Variants in TSFM observed in about 807,000 individuals in gnomAD.
The protein encoded by TSFM is Ts translation elongation factor, mitochondrial.
In TSFM, 29 loss-of-function variants were observed where a neutral mutation model predicts 33.4. That is an observed-to-expected ratio of 0.87 (90% CI 0.65 to 1.18). The LOEUF (loss-of-function observed/expected upper bound fraction) is 1.18. TSFM is among the 50% of genes most tolerant of loss of function. The pLI, the probability that TSFM is intolerant of heterozygous loss-of-function variation, is 0.00. For synonymous variants in TSFM, 178 were observed against 163.5 expected, an observed-to-expected ratio of 1.09 and a Z score of -0.68; for missense variants, 394 against 395.6, an observed-to-expected ratio of 1.00 and a Z score of 0.04.
intron 4 of TSFM, among the ~76,000 whole-genome samples, chr12:57,789,251 A>G (rs1034096044): frequency 6.6e-6 from 1 of 152,070 alleles, no homozygotes; most frequent in African/African-American, 2.4e-5. Flanking sequence ...GGCGTGAGCC[A>G]CTGCACCCGG....
intron 4 of TSFM, among the ~76,000 whole-genome samples, chr12:57,787,563 G>A (rs572243998): frequency 6.6e-6 from 1 of 152,162 alleles, no homozygotes; most frequent in Non-Finnish European, 1.5e-5. Flanking sequence ...AATGGAGTTA[G>A]CCAGATCAAG....
chr12:57,791,757 A>C lies in TSFM; in HGVS notation c.484-1229A>C, dbSNP rs1955665340. 2.0e-5 allele frequency among the ~76,000 whole-genome samples: 3 copies of C among 152,352 alleles called. No individual in the cohort carries two copies. In the South Asian group the frequency reaches 6.2e-4, roughly 32 times the overall value. On this transcript the variant is annotated intron_variant, in intron 4 of 5. Transcript: ENST00000652027. ...TCTGATTAGAAATAATTGTTCAATG[A>C]ATAATCTTGTGCAGTATTATTGGAA...
downstream of TSFM, chr12:57,801,167 C>T (rs373369692): frequency 1.9e-5 from 31 of 1,613,614 alleles, no homozygotes; most frequent in Non-Finnish European, 2.5e-5. Context: ...ATGATAGCAG[C>T]AGCATCTCCC....
At chr12:57,796,022 C>T (rs1300692288) in intron 5 of TSFM, among the ~76,000 whole-genome samples, 155 bp from the exon 6 acceptor site, 1 of 152,162 alleles carries the variant, frequency 6.6e-6, no homozygotes, top group Non-Finnish European at 1.5e-5. Flanking sequence ...CCTCTTTCTA[C>T]AAAAACTGAA....
At chr12:57,786,359 TAA>T (rs2060703095) in intron 3 of TSFM, 68 bp downstream of exon 3, 2 of 1,507,432 alleles carry the variant, frequency 1.3e-6, no homozygotes, top group Admixed American at 2.3e-5. Flanking sequence ...TAGTAGGCCC[TAA>T]AGGGGCCTGT....
chr12:57,784,206 GTAAA>G, intron 2 of TSFM: 1 of 691,916 alleles, frequency 1.4e-6, no homozygotes, highest in Non-Finnish European at 2.6e-6. Flanking sequence ...AAAAAGTACA[GTAAA>G]TAGGCATAAA....
Position 57,796,447 on chromosome 12 carries a change from C to G in TSFM, c.842C>G (p.Thr281Ser). ...LDDEPGGEAE[T>S]KMLSQPYLLD... ...GATGAGCCTGGGGGAGAGGCAGAGA[C>G]TAAGATGCTGTCCCAGCCGTATTTG... The change falls in exon 6 of 6, where the codon ACT becomes AGT. Residue 281 changes from threonine to serine, a missense_variant. Around this residue, in one of 3 missense-constraint regions of TSFM, gnomAD observed 186 missense variants for 198.8 expected, o/e 0.94. Transcript: ENST00000652027. The G allele has an allele frequency of 6.3e-7, 1 of 1,599,146 alleles. No individual in the cohort carries two copies. Among genetic ancestry groups the G allele is most frequent in the Non-Finnish European group, 8.5e-7 (1 of 1,172,326 alleles).
intron 1 of TSFM, 23 bp downstream of exon 1, chr12:57,782,881 C>T: frequency 2.5e-6 from 4 of 1,582,402 alleles, no homozygotes; most frequent in South Asian, 1.2e-5. Flanking sequence ...GGTGCTGGTA[C>T]CGACCTGCTG....
At chr12:57,783,594 GA>G in intron 2 of TSFM, 2 of 579,080 alleles carry the variant, frequency 3.5e-6, no homozygotes, top group East Asian at 4.2e-5. Context: ...TCTGACTTTA[GA>G]CTTTTTTTTT....
rs773877688 is a variant in TSFM at position 57,796,487 on chromosome 12, T to TTA, written c.882_883insTA (p.Thr295Ter). ...AGCCGTATTTGCTGGATCCCTCCATTACCTTGGGGCAGTATGTGCAGCCTC... is the reference window on the plus strand; with the variant it reads ...AGCCGTATTTGCTGGATCCCTCCATTTAACCTTGGGGCAGTATGTGCAGCCTC... On this transcript the variant is annotated frameshift_variant, in exon 6 of 6. Coordinates refer to ENST00000652027, the MANE Select transcript of TSFM (RefSeq NM_005726.6). LOFTEE classifies it high-confidence loss of function. 1.3e-6 allele frequency: 2 copies of TTA among 1,578,912 alleles called. No homozygotes were observed. Among genetic ancestry groups the TTA allele is most frequent in the Non-Finnish European group, 1.7e-6 (2 of 1,161,188 alleles).
chr12:57,799,731 G>T, downstream of TSFM: 1 of 1,605,276 alleles, frequency 6.2e-7, no homozygotes. Context: ...GCCATTTGCT[G>T]AGCTGAGTTT....
chr12:57,800,414 CT>C, downstream of TSFM: 1 of 153,692 alleles, frequency 6.5e-6, no homozygotes, highest in Non-Finnish European at 1.5e-5. Context: ...TAAAGAACTG[CT>C]GGATTCCTGG....
downstream of TSFM, among the ~76,000 whole-genome samples, chr12:57,801,785 T>A (rs528109623): frequency 1.3e-5 from 2 of 152,112 alleles, no homozygotes; most frequent in Non-Finnish European, 2.9e-5. Context: ...GAAACCTGGC[T>A]TTCTGTTGAT....
intron 1 of TSFM, 78 bp downstream of exon 1, chr12:57,782,936 A>G (rs1437226463): frequency 2.0e-6 from 3 of 1,497,720 alleles, no homozygotes; most frequent in African/African-American, 1.4e-5. Flanking sequence ...CTTCCTCCCA[A>G]CCTCGTTTGA....
chr12:57,796,513 A>G lies in TSFM; in HGVS notation c.908A>G (p.Gln303Arg), dbSNP rs1416653448. The G allele has an allele frequency of 1.3e-6, 2 of 1,529,464 alleles. No homozygotes were observed. The highest frequency in any genetic ancestry group is 2.3e-5 in the East Asian group (1 of 44,116). The allele number at this position is 1,529,464 out of a possible 1,614,324, so 94.7% of individuals were successfully genotyped here. A position where few individuals can be genotyped will look rare whatever the true frequency, so the allele number is the denominator to read the frequency against. The change falls in exon 6 of 6, where the codon CAG becomes CGG. Residue 303 changes from glutamine (Q) to arginine (R), a missense_variant. Transcript: ENST00000652027. ...SITLGQYVQP[Q>R]GVSVVDFVRF... ...ACCTTGGGGCAGTATGTGCAGCCTC[A>G]GGGGGTGTCGGTAGTAGACTTTGTG...
chr12:57,793,063 T>C lies in TSFM; in HGVS notation c.561T>C (p.Ala187=). ...DREGSLKDQL[A]LAIGKLGENM... is the part of the protein sequence containing the mutation. Reference sequence around the variant, plus strand: ...AAGGCTCACTCAAGGATCAGTTGGCTTTAGCAATTGGTGAGTATTTGTAAA... The same window carrying C: ...AAGGCTCACTCAAGGATCAGTTGGCCTTAGCAATTGGTGAGTATTTGTAAA... The change falls in exon 5 of 6, where the codon GCT becomes GCC. Residue 187 remains alanine, a synonymous_variant. Coordinates refer to ENST00000652027, the MANE Select transcript of TSFM (RefSeq NM_005726.6). 6.2e-7 allele frequency: 1 copy of C among 1,613,316 alleles called. No individual in the cohort carries two copies.
At chr12:57,801,272 A>C, downstream of TSFM, 2 of 1,408,422 alleles carry the variant, frequency 1.4e-6, no homozygotes, top group South Asian at 2.4e-5. Flanking sequence ...GGGACATCTT[A>C]GGTCTGGTCT....
chr12:57,797,495 T>C lies in TSFM; in HGVS notation c.*912T>C, dbSNP rs1296016235. The C allele has an allele frequency of 2.0e-6, 2 of 977,470 alleles. No individual in the cohort carries two copies. The highest frequency in any genetic ancestry group is 1.8e-5 in the African/African-American group (1 of 57,050). 60.5% of individuals were successfully genotyped at this position (977,470 alleles called of 1,614,324 possible). A position where few individuals can be genotyped will look rare whatever the true frequency, so the allele number is the denominator to read the frequency against. ...TGATTTCAATGATTTACAGGCTAAA[T>C]AGATTTTAGAAATAATCATCTTAAA... is the stretch of plus-strand genomic sequence containing the variant. On this transcript the variant is annotated 3_prime_UTR_variant, in exon 6 of 6. Coordinates refer to ENST00000652027, the MANE Select transcript of TSFM (RefSeq NM_005726.6).
chr12:57,782,986 TC>T, intron 1 of TSFM, 123 bp from the exon 2 acceptor site: 1 of 1,473,850 alleles, frequency 6.8e-7, no homozygotes. Flanking sequence ...CTCTGCCCAG[TC>T]CAGCCCCGGT....
Sources: gnomAD v4.1 joint callset for allele counts (sites outside exome capture counted in the v4.1 genomes callset) on GRCh38, gnomAD v4.1.1 for gene constraint, gnomAD v4.1.1 regional missense constraint, MANE v1.5 for transcripts, NCBI Gene and HGNC (gene_info 2026-07-23, HGNC 2026-07-21) for gene names.